VAV3: variants seen among roughly 807,000 people sequenced by gnomAD.
VAV3 encodes guanine nucleotide exchange factor VAV3.
In VAV3, 94 loss-of-function variants were observed where a neutral mutation model predicts 131.2. The ratio of observed to expected loss-of-function variants is 0.72; its 90% CI spans 0.61 to 0.85. The LOEUF is 0.85. Ranked by LOEUF, VAV3 falls within the 40% of genes least tolerant of loss-of-function variation. The pLI is 0.00. For missense variants in VAV3, 939 were observed against 1,002.7 expected (o/e 0.94, Z 0.86); for synonymous variants, 349 against 342.0 (o/e 1.02, Z -0.22).
intron 2 of VAV3, among the ~76,000 whole-genome samples, chr1:107,846,059 G>A (rs1470908090): frequency 6.6e-6 from 1 of 152,118 alleles, no homozygotes; most frequent in African/African-American, 2.4e-5. Flanking sequence ...GAAAGGTCAG[G>A]TTACCCACAA....
At chr1:107,682,066 T>G (rs1470387284) in intron 19 of VAV3, among the ~76,000 whole-genome samples, 1 of 152,202 alleles carries the variant, frequency 6.6e-6, no homozygotes, top group East Asian at 1.9e-4. Context: ...AAAAAAACTG[T>G]ACCTATACAA....
At chr1:107,668,477 A>G (rs1570719930) in intron 19 of VAV3, among the ~76,000 whole-genome samples, 2 of 152,206 alleles carry the variant, frequency 1.3e-5, no homozygotes, top group African/African-American at 2.4e-5. Flanking sequence ...ATTAAAAATA[A>G]AGCATGTAAA....
At chr1:107,587,070 T>TA (rs1014820602) in intron 25 of VAV3, among the ~76,000 whole-genome samples, 4 of 152,102 alleles carry the variant, frequency 2.6e-5, no homozygotes, top group African/African-American at 7.2e-5. Flanking sequence ...AGTGCCTAGA[T>TA]ACAAGAAGAG....
intron 19 of VAV3, among the ~76,000 whole-genome samples, chr1:107,643,250 T>C (rs1655490360): frequency 6.6e-6 from 1 of 152,194 alleles, no homozygotes; most frequent in Non-Finnish European, 1.5e-5. Flanking sequence ...AGGTGATGGA[T>C]GTGCCACTGC....
At chr1:107,655,363 C>G (rs548878851) in intron 19 of VAV3, among the ~76,000 whole-genome samples, 2 of 152,192 alleles carry the variant, frequency 1.3e-5, no homozygotes, top group East Asian at 3.9e-4. Flanking sequence ...CAAGAACATA[C>G]AATGAGGAAA....
intron 1 of VAV3, among the ~76,000 whole-genome samples, chr1:107,922,829 G>A (rs1048263938): frequency 1.3e-5 from 2 of 151,900 alleles, no homozygotes; most frequent in Non-Finnish European, 2.9e-5. Flanking sequence ...GCGGGCGCCT[G>A]TAGTCCCAGC....
At chr1:107,587,593 G>A (rs1019710317) in intron 25 of VAV3, among the ~76,000 whole-genome samples, 1 of 152,094 alleles carries the variant, frequency 6.6e-6, no homozygotes, top group Admixed American at 6.6e-5. Context: ...ATGTATCTAT[G>A]TATGTAGTTA....
chr1:107,860,286 A>G (rs1336872358), intron 2 of VAV3, among the ~76,000 whole-genome samples: 1 of 152,094 alleles, frequency 6.6e-6, no homozygotes, highest in Non-Finnish European at 1.5e-5. Context: ...ACACCTGGCT[A>G]ATTTTTGTAT....
chr1:107,779,368 A>AC, intron 3 of VAV3, 66 bp downstream of exon 3: 1 of 1,410,280 alleles, frequency 7.1e-7, no homozygotes, highest in Non-Finnish European at 9.6e-7. Context: ...ACAAATAGTA[A>AC]CCATTTAATA....
intron 1 of VAV3, among the ~76,000 whole-genome samples, chr1:107,946,525 T>C (rs1674268799): frequency 6.6e-6 from 1 of 152,216 alleles, no homozygotes; most frequent in African/African-American, 2.4e-5. Context: ...CAAAAATGTT[T>C]ATGACCATTG....
chr1:107,622,523 T>C (rs528527505), intron 20 of VAV3, among the ~76,000 whole-genome samples: 1 of 152,344 alleles, frequency 6.6e-6, no homozygotes, highest in East Asian at 1.9e-4. Context: ...TGTGGCTCAT[T>C]TATCCCCTTA....
intron 24 of VAV3, among the ~76,000 whole-genome samples, chr1:107,599,583 T>C (rs1056953179): frequency 6.6e-6 from 1 of 152,124 alleles, no homozygotes; most frequent in Admixed American, 6.5e-5. Flanking sequence ...TGCCTTGTAA[T>C]CTGGATACAG....
intron 20 of VAV3, among the ~76,000 whole-genome samples, chr1:107,625,816 G>A (rs1653976121): frequency 6.6e-6 from 1 of 152,120 alleles, no homozygotes; most frequent in Admixed American, 6.5e-5. Flanking sequence ...ATACTTTACT[G>A]AAACCACTTG....
chr1:107,660,340 C>A (rs72975648), intron 19 of VAV3, among the ~76,000 whole-genome samples: 3,019 of 152,236 alleles, frequency 0.02, 113 homozygotes, highest in African/African-American at 0.069. Context: ...TTGTTATTTT[C>A]ATCTTAATTA....
chr1:107,874,946 T>C lies in VAV3; in HGVS notation c.276A>G (p.Glu92=). The part of the protein sequence containing the change: ...CCETFGMRKS[E]LFEAFDLFDV... ...CAAACAAGTCAAATGCCTCGAAAAG[T>C]TCACTTTTCCTCATTCCAAACGTCT... Residue 92 remains glutamate, a synonymous_variant, in exon 2 of 27, where the codon GAA becomes GAG. Coordinates refer to ENST00000370056, the MANE Select transcript of VAV3 (RefSeq NM_006113.5). 1.2e-6 allele frequency: 2 copies of C among 1,613,388 alleles called. No individual in the cohort carries two copies. Among genetic ancestry groups the C allele is most frequent in the South Asian group, 2.2e-5 (2 of 91,070 alleles).
chr1:107,843,835 C>T (rs542900485), intron 2 of VAV3, among the ~76,000 whole-genome samples: 11 of 152,022 alleles, frequency 7.2e-5, no homozygotes, highest in African/African-American at 1.7e-4. Flanking sequence ...CCCTACAGAG[C>T]GGGGAGCTTT....
intron 2 of VAV3, among the ~76,000 whole-genome samples, chr1:107,843,856 G>A (rs1668842445): frequency 6.6e-6 from 1 of 151,926 alleles, no homozygotes; most frequent in African/African-American, 2.4e-5. Flanking sequence ...CCACTGTGGG[G>A]GTTCAAAGAA....
intron 1 of VAV3, among the ~76,000 whole-genome samples, chr1:107,898,539 CATT>C (rs1318399900): frequency 6.6e-6 from 1 of 152,128 alleles, no homozygotes; most frequent in Non-Finnish European, 1.5e-5. Flanking sequence ...CATCCATTTA[CATT>C]ATTACCATAA....
chr1:107,908,820 A>AACACAC (rs59211285), intron 1 of VAV3, among the ~76,000 whole-genome samples: 2 of 129,332 alleles, frequency 1.5e-5, no homozygotes, highest in Non-Finnish European at 3.3e-5. Flanking sequence ...GCCCCACTCA[A>AACACAC]ACACACACAC....
Sources: gnomAD v4.1 joint callset for allele counts (sites outside exome capture counted in the v4.1 genomes callset) on GRCh38, gnomAD v4.1.1 for gene constraint, MANE v1.5 for transcripts, NCBI Gene and HGNC (gene_info 2026-07-23, HGNC 2026-07-21) for gene names.